Variants in PHKB observed in about 807,000 individuals in gnomAD.
The protein encoded by PHKB is phosphorylase b kinase regulatory subunit beta.
A neutral mutation model predicts 152.1 loss-of-function variants in PHKB; 122 were observed. The ratio of observed to expected loss-of-function variants is 0.80; its 90% CI spans 0.69 to 0.93. PHKB has a LOEUF of 0.93. PHKB is among the 40% of genes least tolerant of loss of function. The pLI, the probability that PHKB is intolerant of heterozygous loss-of-function variation, is 0.00. For synonymous variants in PHKB, 436 were observed against 464.9 expected (o/e 0.94, Z 0.80); for missense variants, 1,304 against 1,328.4 (o/e 0.98, Z 0.29).
At chr16:47,521,674 A>C (rs1029196986) in intron 6 of PHKB, among the ~76,000 whole-genome samples, 22 of 151,782 alleles carry the variant, frequency 1.4e-4, no homozygotes, top group Admixed American at 1.2e-3. Flanking sequence ...AAAAGGAAAG[A>C]AAAGAAAAAT....
In PHKB at chr16:47,547,830, T is replaced by C. The variant is rs997406339; in HGVS notation, c.710+282T>C. ...TCATTAATCCACAGCTTGGCCTTTC[T>C]GCTCAACCAAGTCATTTTCTTTTTC... On this transcript the variant is annotated intron_variant, in intron 7 of 30. Transcript: ENST00000323584. 3 of 373,204 alleles carry C rather than the reference T, an allele frequency of 8.0e-6. No individual in the cohort carries two copies. In the Admixed American group the frequency reaches 1.3e-4, roughly 17 times the overall value. The allele number at this position is 373,204 out of a possible 1,614,324, so 23.1% of individuals were successfully genotyped here.
At chr16:47,673,549 G>A (rs745847700) in intron 26 of PHKB, among the ~76,000 whole-genome samples, 1 of 152,076 alleles carries the variant, frequency 6.6e-6, no homozygotes, top group Non-Finnish European at 1.5e-5. Context: ...TTTTCTCCAC[G>A]GAGTTATTAA....
At chr16:47,521,251 A>T (rs980483635) in intron 6 of PHKB, among the ~76,000 whole-genome samples, 7 of 152,124 alleles carry the variant, frequency 4.6e-5, no homozygotes, top group African/African-American at 1.7e-4. Flanking sequence ...TTCTTACCTA[A>T]TTTCCCTGGA....
intron 16 of PHKB, among the ~76,000 whole-genome samples, chr16:47,642,793 C>G (rs1248751392): frequency 1.3e-5 from 2 of 152,066 alleles, no homozygotes; most frequent in Non-Finnish European, 2.9e-5. Flanking sequence ...ATAAATTTAA[C>G]CACCACTACC....
At chr16:47,613,208 T>C (rs1052878960) in intron 14 of PHKB, among the ~76,000 whole-genome samples, 1 of 152,148 alleles carries the variant, frequency 6.6e-6, no homozygotes, top group Non-Finnish European at 1.5e-5. Flanking sequence ...TTAGGGTTGA[T>C]TACTGTGAAA....
chr16:47,684,492 C>T (rs1042543344), intron 26 of PHKB, among the ~76,000 whole-genome samples: 19 of 151,996 alleles, frequency 1.3e-4, no homozygotes, highest in South Asian at 6.2e-4. Context: ...TTAAGCCGGG[C>T]GCGGTGGCTC....
intron 1 of PHKB, among the ~76,000 whole-genome samples, chr16:47,483,782 G>A (rs79989501): frequency 0.013 from 1,971 of 152,278 alleles, 34 homozygotes; most frequent in South Asian, 0.055. Context: ...GCACTGATTC[G>A]TCACCTTATT....
In PHKB at chr16:47,565,600, G is replaced by C. The variant is rs75303362; in HGVS notation, c.711-14695G>C. ...TTCTAAAGACTTCTCACTCTCCCTC[G>C]TGCATTTCTGCCGGATGTGGCAGAG... On this transcript the variant is annotated intron_variant, in intron 7 of 30. Coordinates refer to ENST00000323584, the MANE Select transcript of PHKB (RefSeq NM_000293.3). 28 of 1,054,624 alleles carry C rather than the reference G, an allele frequency of 2.7e-5. No individual in the cohort carries two copies. The East Asian group carries it at 6.6e-4, about 25-fold the overall frequency. 65.3% of individuals were successfully genotyped at this position (1,054,624 alleles called of 1,614,324 possible).
At chr16:47,672,479 A>T (rs1377151446) in intron 26 of PHKB, among the ~76,000 whole-genome samples, 3 of 152,210 alleles carry the variant, frequency 2.0e-5, no homozygotes, top group African/African-American at 7.2e-5. Flanking sequence ...GATCTGAGAC[A>T]GACTGAGAAG....
In PHKB at chr16:47,660,639, T is replaced by G; in HGVS notation, c.2034-18T>G. The G allele has an allele frequency of 6.2e-7, 1 of 1,613,570 alleles. No homozygotes were observed. Among genetic ancestry groups the G allele is most frequent in the Non-Finnish European group, 8.5e-7 (1 of 1,179,604 alleles). On this transcript the variant is annotated intron_variant, in intron 21 of 30. Coordinates refer to ENST00000323584, the MANE Select transcript of PHKB (RefSeq NM_000293.3). ...TTAGAAAAGCAGAAAATATGAAACC[T>G]TTTCTTTTAATTTTTAGGCTTCCAG...
In PHKB at chr16:47,669,828, T is replaced by TA. The variant is rs1263207003; in HGVS notation, c.2630+412dup. On this transcript the variant is annotated intron_variant, in intron 26 of 30. Transcript: ENST00000323584. ...AAATTTGGTCCTTTTAAGAATATTC[T>TA]ATACCCATTTTCTACTGAAATCTAT... Among the ~76,000 whole-genome samples the TA allele has an allele frequency of 3.3e-5, 5 of 152,380 alleles. No homozygotes were observed. In the East Asian group the frequency reaches 9.6e-4, roughly 29 times the overall value.
chr16:47,519,059 T>C (rs1280875084), intron 6 of PHKB, among the ~76,000 whole-genome samples: 10 of 152,230 alleles, frequency 6.6e-5, no homozygotes, highest in Non-Finnish European at 1.0e-4. Context: ...ATGTCTCTTA[T>C]GGAAGTTGTT....
chr16:47,612,961 T>G (rs1238846044), intron 14 of PHKB, among the ~76,000 whole-genome samples: 2 of 152,182 alleles, frequency 1.3e-5, no homozygotes, highest in Non-Finnish European at 2.9e-5. Context: ...AGTAGCCACT[T>G]AGTCATGATT....
At chr16:47,552,800 A>AACACACACAC (rs61186489) in intron 7 of PHKB, among the ~76,000 whole-genome samples, 1 of 143,500 alleles carries the variant, frequency 7.0e-6, no homozygotes, top group African/African-American at 2.5e-5. Context: ...CCCCATCTCA[A>AACACACACAC]ACACACACAC....
At chr16:47,644,329 TC>T (rs1289131426) in intron 16 of PHKB, among the ~76,000 whole-genome samples, 2 of 152,228 alleles carry the variant, frequency 1.3e-5, no homozygotes, top group East Asian at 3.8e-4. Context: ...CATGTGTGGC[TC>T]AGGAGAACAT....
intron 26 of PHKB, among the ~76,000 whole-genome samples, chr16:47,678,696 A>G (rs1597173140): frequency 2.6e-5 from 4 of 151,900 alleles, no homozygotes; most frequent in African/African-American, 7.2e-5. Context: ...GTAGGTTGCA[A>G]AAATTTTCTC....
At chr16:47,576,095 AAAC>A (rs1410337976) in intron 7 of PHKB, among the ~76,000 whole-genome samples, 1 of 152,060 alleles carries the variant, frequency 6.6e-6, no homozygotes, top group African/African-American at 2.4e-5. Context: ...AAACAAAACA[AAAC>A]AACAACAGCA....
chr16:47,682,211 A>G (rs540874896), intron 26 of PHKB, among the ~76,000 whole-genome samples: 2 of 152,060 alleles, frequency 1.3e-5, no homozygotes, highest in South Asian at 2.1e-4. Context: ...TTTCATTTCA[A>G]CTTTGGTGAA....
intron 20 of PHKB, among the ~76,000 whole-genome samples, chr16:47,655,935 C>T (rs1253225387): frequency 6.6e-6 from 1 of 152,146 alleles, no homozygotes; most frequent in Non-Finnish European, 1.5e-5. Context: ...CACTACCTAT[C>T]TCATTTTCCC....
Sources: allele counts gnomAD v4.1 joint callset (sites outside exome capture counted in the v4.1 genomes callset), GRCh38; gene constraint gnomAD v4.1.1; transcripts MANE v1.5; gene names NCBI Gene and HGNC (gene_info 2026-07-23, HGNC 2026-07-21).